The following ADAMTSL1 variants were observed in gnomAD, a reference collection of about 807,000 sequenced individuals.
ADAMTSL1 encodes ADAMTS like 1.
A neutral mutation model predicts 201.8 loss-of-function variants in ADAMTSL1; 126 were observed. The observed-to-expected ratio is 0.62, with a 90% CI of 0.54 to 0.72. ADAMTSL1 has a LOEUF of 0.72. Among genes scored for constraint, ADAMTSL1 ranks in the 30% least tolerant of loss-of-function variants. The pLI is 0.00. For missense variants in ADAMTSL1, 2,679 were observed against 2,277.8 expected (o/e 1.18, Z -3.59); for synonymous variants, 1,121 against 903.4 (o/e 1.24, Z -4.32).
intron 19 of ADAMTSL1, among the ~76,000 whole-genome samples, chr9:18,788,276 G>C (rs2133809990): frequency 6.6e-6 from 1 of 152,246 alleles, no homozygotes; most frequent in East Asian, 1.9e-4. Flanking sequence ...GGAGATCTCA[G>C]AGCATTCCTT....
intron 1 of ADAMTSL1, among the ~76,000 whole-genome samples, chr9:17,922,244 A>G (rs983047883): frequency 6.6e-6 from 1 of 152,078 alleles, no homozygotes; most frequent in African/African-American, 2.4e-5. Flanking sequence ...TGGGGTGAGT[A>G]GCGCACGTGC....
intron 2 of ADAMTSL1, among the ~76,000 whole-genome samples, chr9:18,420,117 T>C (rs1818875382): frequency 1.3e-5 from 2 of 152,190 alleles, no homozygotes; most frequent in African/African-American, 4.8e-5. Flanking sequence ...TTTCGCCAAA[T>C]AGGAGGCTAA....
intron 11 of ADAMTSL1, chr9:18,681,594 T>C: frequency 2.8e-6 from 1 of 355,488 alleles, no homozygotes; most frequent in Non-Finnish European, 5.1e-6. Flanking sequence ...GCTATGGAAT[T>C]GAAAGTGATT....
chr9:18,613,112 A>G (rs540943197), intron 4 of ADAMTSL1, among the ~76,000 whole-genome samples: 31 of 152,326 alleles, frequency 2.0e-4, no homozygotes, highest in African/African-American at 7.0e-4. Flanking sequence ...ATGGAAAAAA[A>G]GCTCAACATC....
At chr9:18,368,066 ATTT>A (rs71492939) in intron 2 of ADAMTSL1, among the ~76,000 whole-genome samples, 3,254 of 145,414 alleles carry the variant, frequency 0.022, 107 homozygotes, top group African/African-American at 0.075. Flanking sequence ...CGCCAGGCTA[ATTT>A]TTTTTTTTTT....
chr9:18,572,918 G>A (rs1475890537), intron 3 of ADAMTSL1, among the ~76,000 whole-genome samples: 2 of 152,028 alleles, frequency 1.3e-5, no homozygotes, highest in Admixed American at 6.6e-5. Context: ...AGTCTTCCAT[G>A]GTAAATTTTA....
At chr9:18,206,496 C>A (rs577281817) in intron 2 of ADAMTSL1, among the ~76,000 whole-genome samples, 1 of 152,122 alleles carries the variant, frequency 6.6e-6, no homozygotes, top group Admixed American at 6.6e-5. Flanking sequence ...TTCTCATGAC[C>A]CCTACTGTGT....
rs992552334 is a variant in ADAMTSL1 at position 18,801,343 on chromosome 9, T to C, written c.3805+5819T>C. On this transcript the variant is annotated intron_variant, in intron 20 of 28. Transcript: ENST00000380548. ...TTTAGAGATTTATTTAGCAAACTTA[T>C]ATAGTTATGTAACCATTACTATAAA... Among the ~76,000 whole-genome samples the C allele has an allele frequency of 3.9e-5, 6 of 152,242 alleles. No individual in the cohort carries two copies. The South Asian group carries it at 8.3e-4, about 21-fold the overall frequency.
chr9:18,731,973 G>A (rs1818241497), intron 15 of ADAMTSL1, among the ~76,000 whole-genome samples: 1 of 152,118 alleles, frequency 6.6e-6, no homozygotes, highest in South Asian at 2.1e-4. Context: ...ATTCGGGCAG[G>A]ACAAACTACA....
chr9:18,887,180 T>C (rs4977459), intron 23 of ADAMTSL1, among the ~76,000 whole-genome samples: 12,178 of 152,316 alleles, frequency 0.08, 616 homozygotes, highest in East Asian at 0.21. Flanking sequence ...TTACCGATTC[T>C]ATGCTACAAA....
intron 2 of ADAMTSL1, among the ~76,000 whole-genome samples, chr9:18,391,089 T>C (rs1838025641): frequency 6.6e-6 from 1 of 152,140 alleles, no homozygotes; most frequent in Non-Finnish European, 1.5e-5. Context: ...GTCGATTCAC[T>C]CCATTGCTAT....
At chr9:18,537,831 A>G (rs112788762) in intron 3 of ADAMTSL1, among the ~76,000 whole-genome samples, 1 of 151,098 alleles carries the variant, frequency 6.6e-6, no homozygotes, top group Admixed American at 6.6e-5. Context: ...CCTTGTTTAC[A>G]CCACTGCACT....
At chr9:18,175,398 C>T (rs781737104) in intron 2 of ADAMTSL1, among the ~76,000 whole-genome samples, 31 of 152,250 alleles carry the variant, frequency 2.0e-4, no homozygotes, top group African/African-American at 5.3e-4. Flanking sequence ...ATATTGGTAA[C>T]GATTAATATG....
At chr9:18,076,748 G>A (rs1252824050) in intron 1 of ADAMTSL1, among the ~76,000 whole-genome samples, 1 of 152,106 alleles carries the variant, frequency 6.6e-6, no homozygotes, top group East Asian at 1.9e-4. Flanking sequence ...AGTACATCGA[G>A]GGACTTATAT....
intron 1 of ADAMTSL1, among the ~76,000 whole-genome samples, chr9:18,042,807 A>G (rs545080552): frequency 6.6e-6 from 1 of 152,288 alleles, no homozygotes; most frequent in South Asian, 2.1e-4. Flanking sequence ...TTGTAGCTCC[A>G]TTTAAATCAT....
chr9:18,109,816 C>G (rs1824924327), intron 1 of ADAMTSL1, among the ~76,000 whole-genome samples: 1 of 152,180 alleles, frequency 6.6e-6, no homozygotes. Context: ...CCTCTGACAT[C>G]TATGTGGGAG....
intron 1 of ADAMTSL1, among the ~76,000 whole-genome samples, chr9:18,162,749 A>G (rs1827450595): frequency 6.6e-6 from 1 of 152,048 alleles, no homozygotes; most frequent in Non-Finnish European, 1.5e-5. Context: ...ATAAAAAGGT[A>G]TAAAATGCAA....
chr9:18,694,226 T>A (rs1170584473), intron 13 of ADAMTSL1, among the ~76,000 whole-genome samples: 1 of 152,112 alleles, frequency 6.6e-6, no homozygotes, highest in African/African-American at 2.4e-5. Flanking sequence ...GACAGGAGAT[T>A]TGGGCAAGGA....
chr9:18,894,911 TAATGAGTAGGAA>T (rs1829524641), intron 26 of ADAMTSL1, among the ~76,000 whole-genome samples: 1 of 152,072 alleles, frequency 6.6e-6, no homozygotes, highest in South Asian at 2.1e-4. Flanking sequence ...AAGATTAACC[TAATGAGTAGGAA>T]AATTCACAGA....
Sources: allele counts gnomAD v4.1 joint callset (sites outside exome capture counted in the v4.1 genomes callset), GRCh38; gene constraint gnomAD v4.1.1; transcripts MANE v1.5; gene names NCBI Gene and HGNC (gene_info 2026-07-23, HGNC 2026-07-21).